The following DSCAML1 variants were observed in gnomAD, a reference collection of about 807,000 sequenced individuals.
DSCAML1 encodes cell adhesion molecule DSCAML1.
DSCAML1 carries 38 observed loss-of-function variants against 200.5 expected under a neutral mutation model. That is an observed-to-expected ratio of 0.19 (90% CI 0.15 to 0.25). The LOEUF (loss-of-function observed/expected upper bound fraction) is 0.25, where lower values mean the gene tolerates loss of function less well. Ranked by LOEUF, DSCAML1 falls within the 10% of genes least tolerant of loss-of-function variation. DSCAML1 has a pLI of 1.00. For missense variants in DSCAML1, 2,223 were observed against 2,858.8 expected (o/e 0.78, Z 5.07); for synonymous variants, 1,215 against 1,165.0 (o/e 1.04, Z -0.87).
chr11:117,700,596 G>A (rs1043934264), intron 3 of DSCAML1, among the ~76,000 whole-genome samples: 2 of 152,180 alleles, frequency 1.3e-5, no homozygotes, highest in Admixed American at 1.3e-4. Flanking sequence ...TTGCACTATC[G>A]ATAACTAACA....
chr11:117,442,753 CTT>C (rs1413887410), intron 21 of DSCAML1, among the ~76,000 whole-genome samples: 2 of 152,146 alleles, frequency 1.3e-5, no homozygotes, highest in East Asian at 1.9e-4. Flanking sequence ...GGCCCCTTCC[CTT>C]CCTGAAGAAG....
At chr11:117,594,829 C>T (rs1015322256) in intron 3 of DSCAML1, among the ~76,000 whole-genome samples, 3 of 152,184 alleles carry the variant, frequency 2.0e-5, no homozygotes, top group Non-Finnish European at 4.4e-5. Flanking sequence ...TGTTCCTCCC[C>T]TCTACCCCAT....
intron 3 of DSCAML1, among the ~76,000 whole-genome samples, chr11:117,726,622 AGCAAGACCTCCACTCTTTCTTC>A (rs2054136423): frequency 6.6e-6 from 1 of 152,082 alleles, no homozygotes; most frequent in South Asian, 2.1e-4. Flanking sequence ...AAGAAGACCA[AGCAAGACCTCCACTCTTTCTTC>A]GCAAGATCTA....
intron 5 of DSCAML1, 130 bp from the exon 6 acceptor site, chr11:117,521,535 C>G: frequency 1.1e-6 from 1 of 886,414 alleles, no homozygotes; most frequent in Non-Finnish European, 1.7e-6. Flanking sequence ...CTCCAGACCC[C>G]TTGTGTGGAC....
At chr11:117,685,211 G>A (rs1435804845) in intron 3 of DSCAML1, among the ~76,000 whole-genome samples, 2 of 152,206 alleles carry the variant, frequency 1.3e-5, no homozygotes, top group East Asian at 3.8e-4. Flanking sequence ...AGAGCTGGAA[G>A]GAATCTCAAA....
At chr11:117,677,972 C>A (rs546470535) in intron 3 of DSCAML1, among the ~76,000 whole-genome samples, 1 of 152,146 alleles carries the variant, frequency 6.6e-6, no homozygotes, top group Non-Finnish European at 1.5e-5. Flanking sequence ...AGAGGCTGTG[C>A]GGTGTGTCCT....
upstream of DSCAML1, chr11:117,802,046 T>G (rs778259294): frequency 2.6e-5 from 4 of 152,098 alleles, no homozygotes; most frequent in South Asian, 2.1e-4. Flanking sequence ...CTAAGAGAGA[T>G]AGGAAAAAAA....
At chr11:117,764,519 C>G (rs2054858787) in intron 3 of DSCAML1, among the ~76,000 whole-genome samples, 1 of 152,240 alleles carries the variant, frequency 6.6e-6, no homozygotes, top group Admixed American at 6.5e-5. Context: ...AGGAAGCACT[C>G]AGAAAACATT....
chr11:117,431,045 A>G lies in DSCAML1; in HGVS notation c.5375-12T>C, dbSNP rs1294339731. 1 of 1,603,744 alleles carries G rather than the reference A, an allele frequency of 6.2e-7. No homozygotes were observed. Among genetic ancestry groups the G allele is most frequent in the African/African-American group, 1.3e-5 (1 of 74,880 alleles). ...GTTCCTTCCTTTGTCTGGGGAGTTA[A>G]GAGGAAAGGGGTGGGTTACGGGGAG... On this transcript the variant is annotated splice_polypyrimidine_tract_variant and intron_variant, in intron 31 of 32. Transcript: ENST00000651296.
intron 11 of DSCAML1, among the ~76,000 whole-genome samples, chr11:117,500,163 C>T (rs1159218935): frequency 6.6e-6 from 1 of 152,218 alleles, no homozygotes. Context: ...AAATACTTCT[C>T]ATCCTTCAAG....
chr11:117,571,968 A>G (rs1360837226), intron 3 of DSCAML1, among the ~76,000 whole-genome samples: 4 of 152,216 alleles, frequency 2.6e-5, no homozygotes, highest in East Asian at 3.9e-4. Flanking sequence ...TTCCAATGCC[A>G]TGGCAACGTC....
chr11:117,603,865 C>T (rs11216466), intron 3 of DSCAML1, among the ~76,000 whole-genome samples: 3 of 152,168 alleles, frequency 2.0e-5, no homozygotes, highest in Admixed American at 6.5e-5. Context: ...TACCACCAGC[C>T]GCTTGAATTC....
chr11:117,627,293 T>C (rs1387571388), intron 3 of DSCAML1, among the ~76,000 whole-genome samples: 1 of 152,092 alleles, frequency 6.6e-6, no homozygotes, highest in Non-Finnish European at 1.5e-5. Flanking sequence ...CGCCTCTTCT[T>C]CTCCCTCCTA....
intron 8 of DSCAML1, among the ~76,000 whole-genome samples, chr11:117,510,221 T>A (rs2049591878): frequency 6.6e-6 from 1 of 152,240 alleles, no homozygotes; most frequent in Non-Finnish European, 1.5e-5. Flanking sequence ...TTACTGCACC[T>A]GCTAGCAGAG....
Position 117,505,845 on chromosome 11 carries a change from C to G in DSCAML1, c.1784-113G>C, listed in dbSNP as rs1199259036. 6.1e-6 allele frequency: 8 copies of G among 1,308,718 alleles called. No individual in the cohort carries two copies. The highest frequency in any genetic ancestry group is 1.5e-5 in the African/African-American group (1 of 67,632). 81.1% of individuals were successfully genotyped at this position (1,308,718 alleles called of 1,614,324 possible). A position where few individuals can be genotyped will look rare whatever the true frequency, so the allele number is the denominator to read the frequency against. On this transcript the variant is annotated intron_variant, in intron 8 of 32. Transcript: ENST00000651296. This position sits in a 1 kb window ranked among gnomAD's most constrained non-coding sequence, Gnocchi z 6.7. Reference sequence around the variant, plus strand: ...TGGGTTGGGCCTTGAACAAAGATCCCCTGGGGCACTGCAGCCTTGTTCTCC... The same window carrying G: ...TGGGTTGGGCCTTGAACAAAGATCCGCTGGGGCACTGCAGCCTTGTTCTCC...
intron 3 of DSCAML1, among the ~76,000 whole-genome samples, chr11:117,767,379 G>A (rs1356628233): frequency 1.3e-5 from 2 of 152,138 alleles, no homozygotes; most frequent in Non-Finnish European, 2.9e-5. Context: ...TATCACGGAC[G>A]AGCTCAATAA....
intron 11 of DSCAML1, among the ~76,000 whole-genome samples, chr11:117,502,773 C>T (rs1443706782): frequency 1.3e-5 from 2 of 152,164 alleles, no homozygotes; most frequent in South Asian, 2.1e-4. Context: ...CTTACCATAC[C>T]GGTTGCTTCA....
intron 3 of DSCAML1, among the ~76,000 whole-genome samples, chr11:117,544,186 G>A (rs1438965659): frequency 1.2e-4 from 18 of 152,184 alleles, no homozygotes; most frequent in Admixed American, 1.2e-3. Context: ...GCTTCAGGAT[G>A]CCAGGGCCTC....
intron 20 of DSCAML1, among the ~76,000 whole-genome samples, chr11:117,446,772 A>C (rs1410588089): frequency 6.6e-6 from 1 of 152,218 alleles, no homozygotes; most frequent in Admixed American, 6.5e-5. Context: ...TCCGAAGGGC[A>C]ATTTGTAAGT....
Sources: allele counts gnomAD v4.1 joint callset (sites outside exome capture counted in the v4.1 genomes callset), GRCh38; gene constraint gnomAD v4.1.1; non-coding constraint Gnocchi (gnomAD v3.1); transcripts MANE v1.5; gene names NCBI Gene and HGNC (gene_info 2026-07-23, HGNC 2026-07-21).